Variants in AGBL4 observed in about 807,000 individuals in gnomAD.
AGBL4 encodes the protein AGBL carboxypeptidase 4, also known as cytosolic carboxypeptidase 6.
A neutral mutation model predicts 66.4 loss-of-function variants in AGBL4; 58 were observed. The ratio of observed to expected loss-of-function variants is 0.87; its 90% confidence interval spans 0.71 to 1.09. The LOEUF (loss-of-function observed/expected upper bound fraction) is 1.09. AGBL4 is among the 50% of genes least tolerant of loss of function. The pLI, the probability that AGBL4 is intolerant of heterozygous loss-of-function variation, is 0.00. For synonymous variants in AGBL4, 234 were observed against 222.9 expected (o/e 1.05, Z -0.44); for missense variants, 579 against 631.0 (o/e 0.92, Z 0.88).
intron 5 of AGBL4, among the ~76,000 whole-genome samples, chr1:48,979,931 T>G (rs1376901604): frequency 6.6e-6 from 1 of 152,192 alleles, no homozygotes; most frequent in African/African-American, 2.4e-5. Context: ...ATGAGATCTA[T>G]CCTCCTAACA....
chr1:48,547,389 G>T (rs1644181332), intron 11 of AGBL4, among the ~76,000 whole-genome samples: 1 of 152,080 alleles, frequency 6.6e-6, no homozygotes, highest in Non-Finnish European at 1.5e-5. Flanking sequence ...CTGCTTCCAA[G>T]TTGGATGTGG....
intron 6 of AGBL4, among the ~76,000 whole-genome samples, chr1:48,832,233 T>A (rs1646570154): frequency 6.6e-6 from 1 of 152,146 alleles, no homozygotes; most frequent in South Asian, 2.1e-4. Context: ...TGGAGCTGCA[T>A]CCGCTCACTG....
At chr1:49,528,531 T>C (rs1650848604) in intron 3 of AGBL4, among the ~76,000 whole-genome samples, 1 of 152,088 alleles carries the variant, frequency 6.6e-6, no homozygotes, top group Non-Finnish European at 1.5e-5. Flanking sequence ...GGTATTATGC[T>C]AGACATAATC....
chr1:48,563,260 T>C (rs1377175914), intron 11 of AGBL4, among the ~76,000 whole-genome samples: 1 of 152,190 alleles, frequency 6.6e-6, no homozygotes, highest in Non-Finnish European at 1.5e-5. Flanking sequence ...GTCAAAAGAA[T>C]GGCAATTTAG....
intron 3 of AGBL4, among the ~76,000 whole-genome samples, chr1:49,277,973 C>A (rs906042164): frequency 2.0e-5 from 3 of 151,926 alleles, no homozygotes; most frequent in Non-Finnish European, 4.4e-5. Context: ...TTATTATATC[C>A]CAGGCACTTT....
chr1:49,603,365 G>C (rs1034858431), intron 3 of AGBL4, among the ~76,000 whole-genome samples: 2 of 151,850 alleles, frequency 1.3e-5, no homozygotes, highest in Non-Finnish European at 2.9e-5. Flanking sequence ...TTTCTAGAAA[G>C]GGAACAGTTA....
At chr1:49,158,046 T>C (rs2148133609) in intron 4 of AGBL4, among the ~76,000 whole-genome samples, 1 of 152,296 alleles carries the variant, frequency 6.6e-6, no homozygotes, top group South Asian at 2.1e-4. Flanking sequence ...TTCACTCTAA[T>C]GATAGTTTCT....
intron 5 of AGBL4, among the ~76,000 whole-genome samples, chr1:48,913,004 T>C (rs1187273705): frequency 6.6e-6 from 1 of 152,028 alleles, no homozygotes; most frequent in African/African-American, 2.4e-5. Context: ...AAAATATTTC[T>C]GACAAAGGAA....
At chr1:49,948,019 TATATATAAATATATATAC>T (rs1655482185) in intron 1 of AGBL4, among the ~76,000 whole-genome samples, 1 of 86,650 alleles carries the variant, frequency 1.2e-5, no homozygotes, top group African/African-American at 6.2e-5. Flanking sequence ...AATATATAAA[TATATATAAATATATATAC>T]ATATAAATAT....
chr1:49,496,603 A>C (rs1647598042), intron 3 of AGBL4, among the ~76,000 whole-genome samples: 1 of 145,450 alleles, frequency 6.9e-6, no homozygotes, highest in Non-Finnish European at 1.5e-5. Flanking sequence ...TAGATTCCAC[A>C]TAGAAGTAAT....
rs115880632 is a variant in AGBL4, at chr1:49,732,508, G to C, written c.158-35071C>G. ...GGCAAAGACTTCAAAGCATCTGTAA[G>C]AAAACTATGTTTATGAAATAAATTA... On this transcript the variant is annotated intron_variant, in intron 2 of 13. Transcript: ENST00000371839. 8.0e-3 allele frequency among the ~76,000 whole-genome samples: 1,220 copies of C among 152,146 alleles called. 8 individuals carry two copies. The highest frequency in any genetic ancestry group is 0.031 in the Middle Eastern group (9 of 294).
chr1:49,358,772 G>A lies in AGBL4; in HGVS notation c.283-112908C>T, dbSNP rs370301851. Among the ~76,000 whole-genome samples, 32 of 152,244 alleles carry A rather than the reference G, an allele frequency of 2.1e-4. 2 individuals carry two copies. The East Asian group carries it at 3.5e-3, about 17-fold the overall frequency. The stretch of plus-strand genomic sequence containing the variant: ...ACATAGGAAGCTTATTGCATAAATT[G>A]TGAAACAACTTTTCAATGGAAAATA... On this transcript the variant is annotated intron_variant, in intron 3 of 13. Transcript: ENST00000371839.
intron 1 of AGBL4, among the ~76,000 whole-genome samples, chr1:49,872,817 A>C (rs906291843): frequency 6.6e-6 from 1 of 152,068 alleles, no homozygotes; most frequent in Non-Finnish European, 1.5e-5. Context: ...AAAATTGGAG[A>C]ATTGGAAAGA....
chr1:49,809,594 A>T (rs556157881), intron 2 of AGBL4, among the ~76,000 whole-genome samples: 5 of 152,302 alleles, frequency 3.3e-5, no homozygotes, highest in African/African-American at 9.6e-5. Flanking sequence ...GCTGTACAAC[A>T]TTATATCTAT....
chr1:48,794,881 C>G (rs1233409074), intron 6 of AGBL4, among the ~76,000 whole-genome samples: 1 of 152,162 alleles, frequency 6.6e-6, no homozygotes, highest in African/African-American at 2.4e-5. Context: ...ACTTTAAGGT[C>G]TTAATGGCAT....
intron 3 of AGBL4, chr1:49,423,239 TCTC>T (rs920269561): frequency 1.3e-5 from 2 of 152,218 alleles, no homozygotes; most frequent in African/African-American, 4.8e-5. Flanking sequence ...TTTGTCTGTG[TCTC>T]CTCCTAGACT....
At chr1:48,548,491 G>A (rs1644200025) in intron 11 of AGBL4, among the ~76,000 whole-genome samples, 1 of 152,140 alleles carries the variant, frequency 6.6e-6, no homozygotes, top group East Asian at 1.9e-4. Flanking sequence ...CTTTTTCGTG[G>A]TAATGGCTGT....
chr1:49,793,498 T>C (rs1247181209), intron 2 of AGBL4, among the ~76,000 whole-genome samples: 1 of 151,966 alleles, frequency 6.6e-6, no homozygotes, highest in Non-Finnish European at 1.5e-5. Context: ...GCTCTGAAGG[T>C]AAATTTAGAT....
intron 2 of AGBL4, among the ~76,000 whole-genome samples, chr1:49,726,993 C>T (rs995856444): frequency 2.0e-5 from 3 of 152,000 alleles, no homozygotes; most frequent in African/African-American, 4.8e-5. Context: ...ATACAGTGGC[C>T]AAAATACCAT....
Sources: gnomAD v4.1 joint callset for allele counts (sites outside exome capture counted in the v4.1 genomes callset) on GRCh38, gnomAD v4.1.1 for gene constraint, MANE v1.5 for transcripts, NCBI Gene and HGNC (gene_info 2026-07-23, HGNC 2026-07-21) for gene names.